ELMO1: variants seen among roughly 807,000 people sequenced by gnomAD.
ELMO1 encodes the protein engulfment and cell motility protein 1.
A neutral mutation model predicts 98.9 loss-of-function variants in ELMO1; 26 were observed. The observed-to-expected ratio is 0.26, with a 90% CI of 0.19 to 0.36. The LOEUF is 0.36. Among genes scored for constraint, ELMO1 ranks in the 10% least tolerant of loss-of-function variants. ELMO1 has a pLI of 1.00. For missense variants in ELMO1, 627 were observed against 935.2 expected (o/e 0.67, Z 4.30); for synonymous variants, 346 against 346.0 (o/e 1.00, Z 0.00).
intron 1 of ELMO1, among the ~76,000 whole-genome samples, chr7:37,395,524 A>T (rs1803260939): frequency 6.6e-6 from 1 of 152,200 alleles, no homozygotes; most frequent in African/African-American, 2.4e-5. Context: ...ATTTACTTTT[A>T]AGGAAAGTAA....
At chr7:37,368,552 C>T (rs1184465242) in intron 1 of ELMO1, among the ~76,000 whole-genome samples, 1 of 152,134 alleles carries the variant, frequency 6.6e-6, no homozygotes, top group East Asian at 1.9e-4. Flanking sequence ...CCGGGAGGGA[C>T]TCTCTTTGGA....
chr7:37,233,049 G>T, intron 8 of ELMO1, 46 bp downstream of exon 8: 2 of 1,496,190 alleles, frequency 1.3e-6, no homozygotes, highest in South Asian at 1.2e-5. Context: ...AAATAGCTAT[G>T]ACAGAAGACA....
Position 36,973,777 on chromosome 7 carries a change from C to A in ELMO1, c.1437+39522G>T, listed in dbSNP as rs182161548. Among the ~76,000 whole-genome samples the A allele has an allele frequency of 1.9e-3, 284 of 152,264 alleles. 1 individual carries two copies. The highest frequency in any genetic ancestry group is 6.0e-3 in the African/African-American group (251 of 41,558). ...CGCGAGCGGGAACCGGGGCTGCGCG[C>A]GGCGCTTGCGAGCCAGCTGGAGTTC... is the stretch of plus-strand genomic sequence containing the variant. On this transcript the variant is annotated intron_variant, in intron 16 of 21. Coordinates refer to ENST00000310758, the MANE Select transcript of ELMO1 (RefSeq NM_014800.11).
intron 1 of ELMO1, among the ~76,000 whole-genome samples, chr7:37,440,830 C>A (rs1805387114): frequency 6.6e-6 from 1 of 150,952 alleles, no homozygotes. Context: ...GGACGGGAGT[C>A]AAATAAAAAC....
intron 18 of ELMO1, among the ~76,000 whole-genome samples, chr7:36,883,814 G>A (rs1410161537): frequency 6.6e-6 from 1 of 152,130 alleles, no homozygotes; most frequent in Non-Finnish European, 1.5e-5. Context: ...ATGCGAGAAT[G>A]GACTAATACA....
intron 16 of ELMO1, among the ~76,000 whole-genome samples, chr7:36,975,828 CAG>C (rs976866126): frequency 5.5e-5 from 7 of 128,420 alleles, no homozygotes; most frequent in Non-Finnish European, 7.8e-5. Flanking sequence ...GCCTGGGCAA[CAG>C]AGTGACACTT....
chr7:36,986,934 T>C (rs1791552198), intron 16 of ELMO1, among the ~76,000 whole-genome samples: 1 of 152,270 alleles, frequency 6.6e-6, no homozygotes, highest in African/African-American at 2.4e-5. Flanking sequence ...ACTTTTAACC[T>C]AGAGAATTAG....
At chr7:37,114,934 T>G (rs1354399878) in intron 14 of ELMO1, among the ~76,000 whole-genome samples, 1 of 152,146 alleles carries the variant, frequency 6.6e-6, no homozygotes, top group Non-Finnish European at 1.5e-5. Flanking sequence ...GTCAACTTTA[T>G]GGATCTCATG....
At chr7:37,018,667 GGGTTTTGCCAT>G (rs1794094973) in intron 15 of ELMO1, among the ~76,000 whole-genome samples, 1 of 151,858 alleles carries the variant, frequency 6.6e-6, no homozygotes, top group East Asian at 1.9e-4. Flanking sequence ...AGTAGAGATG[GGGTTTTGCCAT>G]GTTGGCCAGG....
At chr7:37,124,691 A>G (rs1480924545) in intron 14 of ELMO1, among the ~76,000 whole-genome samples, 3 of 152,122 alleles carry the variant, frequency 2.0e-5, no homozygotes, top group Admixed American at 6.6e-5. Flanking sequence ...AATCAATATC[A>G]TGAAAATGGC....
At chr7:37,244,508 A>G in intron 6 of ELMO1, 117 bp from the exon 7 acceptor site, 1 of 994,850 alleles carries the variant, frequency 1.0e-6, no homozygotes, top group South Asian at 1.5e-5. Flanking sequence ...AACTGCCATG[A>G]AGTAAAAGAA....
chr7:37,352,097 T>C (rs986276130), intron 1 of ELMO1, among the ~76,000 whole-genome samples: 2 of 152,254 alleles, frequency 1.3e-5, no homozygotes, highest in Non-Finnish European at 2.9e-5. Flanking sequence ...ACTTACTATA[T>C]ACTTTTAGAG....
chr7:37,409,767 C>A (rs887638097), intron 1 of ELMO1, among the ~76,000 whole-genome samples: 3 of 152,200 alleles, frequency 2.0e-5, no homozygotes, highest in African/African-American at 7.2e-5. Flanking sequence ...AGTATCACTT[C>A]TGCTATGCTC....
At chr7:37,318,416 G>A (rs758345225) in intron 2 of ELMO1, among the ~76,000 whole-genome samples, 1 of 152,082 alleles carries the variant, frequency 6.6e-6, no homozygotes, top group Non-Finnish European at 1.5e-5. Context: ...AGGCCAAGAA[G>A]GTATTGTTGA....
chr7:36,979,152 A>C (rs1274426326), intron 16 of ELMO1, among the ~76,000 whole-genome samples: 2 of 152,268 alleles, frequency 1.3e-5, no homozygotes, highest in East Asian at 3.9e-4. Context: ...AGGATTATTT[A>C]GGAGAATAAT....
At chr7:37,249,492 G>A (rs1795200573) in intron 6 of ELMO1, among the ~76,000 whole-genome samples, 1 of 152,062 alleles carries the variant, frequency 6.6e-6, no homozygotes, top group African/African-American at 2.4e-5. Context: ...TGACCTCAAT[G>A]AAACAAATAA....
intron 13 of ELMO1, among the ~76,000 whole-genome samples, chr7:37,163,119 G>C (rs1378462215): frequency 6.6e-6 from 1 of 152,116 alleles, no homozygotes; most frequent in African/African-American, 2.4e-5. Context: ...GCTATGATTT[G>C]AGCCAGTTTC....
intron 2 of ELMO1, among the ~76,000 whole-genome samples, chr7:37,341,683 A>G (rs1381560218): frequency 6.6e-6 from 1 of 152,240 alleles, no homozygotes; most frequent in Non-Finnish European, 1.5e-5. Context: ...TTGATCTGCC[A>G]CCAGATAATA....
chr7:37,190,959 C>T (rs575128680), intron 13 of ELMO1, among the ~76,000 whole-genome samples: 30 of 151,722 alleles, frequency 2.0e-4, no homozygotes, highest in African/African-American at 6.8e-4. Context: ...GAGGCAGAGG[C>T]GGGTGGATCA....
Sources: gnomAD v4.1 joint callset for allele counts (sites outside exome capture counted in the v4.1 genomes callset) on GRCh38, gnomAD v4.1.1 for gene constraint, MANE v1.5 for transcripts, NCBI Gene and HGNC (gene_info 2026-07-23, HGNC 2026-07-21) for gene names.